PTPRN2: variants seen among roughly 807,000 people sequenced by gnomAD.
PTPRN2 encodes protein tyrosine phosphatase receptor type N2.
A neutral mutation model predicts 118.8 loss-of-function variants in PTPRN2; 74 were observed. The ratio of observed to expected loss-of-function variants is 0.62; its 90% confidence interval spans 0.52 to 0.76. PTPRN2 has a LOEUF of 0.76. Among genes scored for constraint, PTPRN2 ranks in the 30% least tolerant of loss-of-function variants. The pLI is 0.00. For synonymous variants in PTPRN2, 641 were observed against 608.0 expected, an observed-to-expected ratio of 1.05 and a Z score of -0.80; for missense variants, 1,481 against 1,394.4, an observed-to-expected ratio of 1.06 and a Z score of -0.99.
intron 5 of PTPRN2, among the ~76,000 whole-genome samples, chr7:158,176,802 G>C (rs745568845): frequency 6.6e-6 from 1 of 152,214 alleles, no homozygotes; most frequent in Non-Finnish European, 1.5e-5. Flanking sequence ...CACATGAGGG[G>C]GCAAACTTTT....
intron 3 of PTPRN2, among the ~76,000 whole-genome samples, chr7:158,271,580 G>A (rs1386507275): frequency 6.6e-6 from 1 of 152,156 alleles, no homozygotes; most frequent in East Asian, 1.9e-4. Context: ...CTGGCTTTTA[G>A]TTTGTGCCAA....
intron 5 of PTPRN2, among the ~76,000 whole-genome samples, chr7:158,178,945 T>C (rs1824458570): frequency 6.6e-6 from 1 of 152,176 alleles, no homozygotes; most frequent in African/African-American, 2.4e-5. Flanking sequence ...TCTTTGCAAT[T>C]GTGAATTGTG....
At chr7:158,273,458 A>ACAGACGCGGGAGGAGCCGCAGACAGACG (rs1563072636) in intron 3 of PTPRN2, among the ~76,000 whole-genome samples, 1 of 68,806 alleles carries the variant, frequency 1.5e-5, no homozygotes, top group African/African-American at 5.4e-5. Flanking sequence ...GGAGCCGCAG[A>ACAGACGCGGGAGGAGCCGCAGACAGACG]CGCAGGGGGA....
At chr7:157,612,880 C>T (rs942987975) in intron 15 of PTPRN2, among the ~76,000 whole-genome samples, 3 of 152,274 alleles carry the variant, frequency 2.0e-5, no homozygotes, top group South Asian at 2.1e-4. Context: ...GCAGCTCCGG[C>T]GGCACACCCC....
chr7:158,454,513 T>C (rs1670375), intron 2 of PTPRN2, among the ~76,000 whole-genome samples: 12,631 of 146,080 alleles, frequency 0.086, 699 homozygotes, highest in Non-Finnish European at 0.13. Context: ...GATGTGAGGA[T>C]TGGGGACAGT....
intron 5 of PTPRN2, among the ~76,000 whole-genome samples, chr7:158,190,887 T>A (rs1434829386): frequency 6.6e-6 from 1 of 152,242 alleles, no homozygotes; most frequent in East Asian, 1.9e-4. Context: ...ACAGCAAAGA[T>A]GGCTGCCCAG....
Position 157,687,616 on chromosome 7 carries a change from G to C in PTPRN2, c.1789-4679C>G, listed in dbSNP as rs115390179. 8.9e-3 allele frequency among the ~76,000 whole-genome samples: 1,359 copies of C among 152,242 alleles called. 18 individuals are homozygous for C. Among genetic ancestry groups the C allele is most frequent in the African/African-American group, 0.031 (1,288 of 41,540 alleles). On this transcript the variant is annotated intron_variant, in intron 12 of 22. Coordinates refer to ENST00000389418, the MANE Select transcript of PTPRN2 (RefSeq NM_002847.5). ...AAATACCTTTTTCTCTTAAAACTTAGAAGTCAGTTTTAGAGACCATTAATG... is the reference window on the plus strand; with the variant it reads ...AAATACCTTTTTCTCTTAAAACTTACAAGTCAGTTTTAGAGACCATTAATG...
chr7:158,440,771 T>C (rs1262650572), intron 2 of PTPRN2, among the ~76,000 whole-genome samples: 3 of 143,300 alleles, frequency 2.1e-5, no homozygotes, highest in Admixed American at 2.1e-4. Context: ...GTGATGTTAG[T>C]GATAGTGGTG....
intron 11 of PTPRN2, among the ~76,000 whole-genome samples, chr7:158,074,145 G>A (rs1468474677): frequency 6.6e-6 from 1 of 152,172 alleles, no homozygotes; most frequent in African/African-American, 2.4e-5. Flanking sequence ...GACGCCCACA[G>A]TGTGCTCCAT....
intron 11 of PTPRN2, among the ~76,000 whole-genome samples, chr7:157,996,863 T>G (rs1804785275): frequency 1.3e-5 from 2 of 152,210 alleles, no homozygotes; most frequent in East Asian, 3.9e-4. Flanking sequence ...CTGAGCCATC[T>G]TCCCCCACGC....
chr7:158,341,315 C>A (rs1426258937), intron 2 of PTPRN2, among the ~76,000 whole-genome samples: 1 of 152,026 alleles, frequency 6.6e-6, no homozygotes, highest in Non-Finnish European at 1.5e-5. Context: ...GTCACTCACA[C>A]CCACACACGT....
intron 2 of PTPRN2, among the ~76,000 whole-genome samples, chr7:158,436,526 G>C (rs4102060): frequency 3.2e-5 from 3 of 93,222 alleles, no homozygotes; most frequent in East Asian, 3.7e-4. Context: ...GGAGTCTCTC[G>C]AGTTCTGTCT....
At chr7:158,166,526 G>A (rs112780202) in intron 6 of PTPRN2, among the ~76,000 whole-genome samples, 4 of 132,590 alleles carry the variant, frequency 3.0e-5, no homozygotes, top group South Asian at 2.5e-4. Context: ...CCCGGCCGCC[G>A]CGTTCCCTGT....
intron 4 of PTPRN2, among the ~76,000 whole-genome samples, chr7:158,196,667 C>A (rs1294813413): frequency 6.6e-6 from 1 of 152,184 alleles, no homozygotes; most frequent in East Asian, 1.9e-4. Context: ...GCTCCCCGGG[C>A]ACCCCTGGGG....
rs116487265 is a variant in PTPRN2 at position 158,163,251 on chromosome 7, A to G, written c.910+3680T>C. On this transcript the variant is annotated intron_variant, in intron 6 of 22. Coordinates refer to ENST00000389418, the MANE Select transcript of PTPRN2 (RefSeq NM_002847.5). ...CTATACCAGGTTCTCAATTCTCTCT[A>G]TTTCTTAGGTGACGCCTGTACGGGG... Among the ~76,000 whole-genome samples the G allele has an allele frequency of 7.9e-3, 1,181 of 148,720 alleles. 20 individuals carry two copies. Among genetic ancestry groups the G allele is most frequent in the African/African-American group, 0.027 (1,099 of 40,238 alleles).
intron 14 of PTPRN2, among the ~76,000 whole-genome samples, chr7:157,639,151 C>G (rs1804518925): frequency 6.6e-6 from 1 of 151,958 alleles, no homozygotes; most frequent in Admixed American, 6.6e-5. Flanking sequence ...ATTCTCCTGC[C>G]TCAGCCTCCT....
At position 158,146,670 on chromosome 7, in the gene PTPRN2, G is replaced by A. The variant is rs544795116; in HGVS notation, c.911-8155C>T. Among the ~76,000 whole-genome samples the A allele has an allele frequency of 8.2e-3, 1,199 of 146,574 alleles. 20 individuals are homozygous for A. The highest frequency in any genetic ancestry group is 0.029 in the African/African-American group (1,131 of 38,756). On this transcript the variant is annotated intron_variant, in intron 6 of 22. Coordinates refer to ENST00000389418, the MANE Select transcript of PTPRN2 (RefSeq NM_002847.5). ...CAGGAGGCGGAGCTAGTAGTGAGCT[G>A]AGATCGCGCCACTGCACTCCAGCCT...
chr7:158,089,933 T>G (rs1585403861), intron 10 of PTPRN2, among the ~76,000 whole-genome samples: 1 of 36,476 alleles, frequency 2.7e-5, no homozygotes, highest in African/African-American at 5.2e-5. Context: ...AAAGAGGGAG[T>G]CTTCACACAA....
intron 12 of PTPRN2, among the ~76,000 whole-genome samples, chr7:157,723,027 T>C (rs917836548): frequency 2.0e-5 from 3 of 152,320 alleles, no homozygotes; most frequent in Non-Finnish European, 2.9e-5. Flanking sequence ...AAACCCAGAC[T>C]CTCACCAATG....
Sources: allele counts gnomAD v4.1 joint callset (sites outside exome capture counted in the v4.1 genomes callset), GRCh38; gene constraint gnomAD v4.1.1; transcripts MANE v1.5; gene names NCBI Gene and HGNC (gene_info 2026-07-23, HGNC 2026-07-21).